CWC27: variants seen among roughly 807,000 people sequenced by gnomAD.
The protein encoded by CWC27 is CWC27 spliceosome associated cyclophilin.
A neutral mutation model predicts 63.6 loss-of-function variants in CWC27; 47 were observed. The observed-to-expected ratio is 0.74, with a 90% CI of 0.58 to 0.94. The LOEUF (loss-of-function observed/expected upper bound fraction) is 0.94, where lower values mean the gene tolerates loss of function less well. Among genes scored for constraint, CWC27 ranks in the 40% least tolerant of loss-of-function variants. The pLI is 0.00. For missense variants in CWC27, 495 were observed against 554.3 expected (o/e 0.89, Z 1.07); for synonymous variants, 175 against 179.8 (o/e 0.97, Z 0.22).
At position 64,885,582 on chromosome 5, in the gene CWC27, T is replaced by C. The variant is rs562288385; in HGVS notation, c.1042+36T>C. 147 of 1,447,198 alleles carry C rather than the reference T, an allele frequency of 1.0e-4. No homozygotes were observed. The Admixed American group carries it at 2.8e-3, about 28-fold the overall frequency. The allele number at this position is 1,447,198 out of a possible 1,614,324, so 89.6% of individuals were successfully genotyped here. ...TTATCACGCTTATTTTTTCACTTGA[T>C]ACTCCTCCTTCTCTGTTTTCTTAGC... is the stretch of plus-strand genomic sequence containing the variant. On this transcript the variant is annotated intron_variant, in intron 11 of 13. Transcript: ENST00000381070.
chr5:64,789,549 C>T lies in CWC27; in HGVS notation c.669+529C>T, dbSNP rs552715026. Among the ~76,000 whole-genome samples, 44 of 152,152 alleles carry T rather than the reference C, an allele frequency of 2.9e-4. 1 individual carries two copies. Among genetic ancestry groups the T allele is most frequent in the Non-Finnish European group, 5.7e-4 (39 of 67,958 alleles). ...TAAGTAGCTACAGATGGGAACTGAACGCAGGTCTTTGTAACTATTAAATCC... is the reference window on the plus strand; with the variant it reads ...TAAGTAGCTACAGATGGGAACTGAATGCAGGTCTTTGTAACTATTAAATCC... On this transcript the variant is annotated intron_variant, in intron 7 of 13. Transcript: ENST00000381070.
In CWC27 at chr5:64,769,022, T is replaced by A; in HGVS notation, c.-125T>A. 1 of 789,664 alleles carries A rather than the reference T, an allele frequency of 1.3e-6. No individual in the cohort carries two copies. Among genetic ancestry groups the A allele is most frequent in the South Asian group, 1.5e-5 (1 of 67,018 alleles). The allele number at this position is 789,664 out of a possible 1,614,324, so 48.9% of individuals were successfully genotyped here. The stretch of plus-strand genomic sequence containing the variant: ...TTGGTGTCCCTGTCTTGCGTGATAT[T>A]GACAAACTGAAGCTTTCCTGCACCA... On this transcript the variant is annotated 5_prime_UTR_variant, in exon 1 of 14. Coordinates refer to ENST00000381070, the MANE Select transcript of CWC27 (RefSeq NM_005869.4).
intron 11 of CWC27, among the ~76,000 whole-genome samples, chr5:64,889,544 A>G (rs564803361): frequency 6.6e-6 from 1 of 152,376 alleles, no homozygotes; most frequent in African/African-American, 2.4e-5. Context: ...TCTATATGAT[A>G]TAAGGAAAGT....
chr5:64,922,367 G>C (rs1319841516), intron 11 of CWC27, among the ~76,000 whole-genome samples: 2 of 152,028 alleles, frequency 1.3e-5, no homozygotes, highest in African/African-American at 4.8e-5. Context: ...TGCCTGTGTG[G>C]CTTCAAAGGA....
intron 10 of CWC27, among the ~76,000 whole-genome samples, chr5:64,864,442 T>G (rs780018443): frequency 5.9e-5 from 9 of 152,128 alleles, no homozygotes. Flanking sequence ...CAAACTACCT[T>G]GGGATTCTTT....
At chr5:64,935,686 C>T (rs1748331415) in intron 11 of CWC27, among the ~76,000 whole-genome samples, 1 of 152,166 alleles carries the variant, frequency 6.6e-6, no homozygotes, top group Non-Finnish European at 1.5e-5. Context: ...CTATAAATTA[C>T]TTTGGGCAGT....
intron 10 of CWC27, among the ~76,000 whole-genome samples, chr5:64,811,169 C>G (rs1328434339): frequency 6.6e-6 from 1 of 152,016 alleles, no homozygotes; most frequent in African/African-American, 2.4e-5. Context: ...TAGTTTGCAG[C>G]TTGTTTTGGA....
chr5:64,790,911 A>C (rs1358367384), intron 7 of CWC27, among the ~76,000 whole-genome samples: 1 of 152,168 alleles, frequency 6.6e-6, no homozygotes, highest in African/African-American at 2.4e-5. Flanking sequence ...TGATCATGCA[A>C]TTAAGAGGTG....
At chr5:64,803,918 T>C (rs1018108752) in intron 9 of CWC27, among the ~76,000 whole-genome samples, 4 of 151,922 alleles carry the variant, frequency 2.6e-5, no homozygotes, top group Non-Finnish European at 5.9e-5. Flanking sequence ...GAGATAAGAA[T>C]AGGAATATAG....
intron 10 of CWC27, among the ~76,000 whole-genome samples, chr5:64,843,184 C>T (rs1580665969): frequency 1.3e-5 from 2 of 152,272 alleles, no homozygotes; most frequent in East Asian, 1.9e-4. Context: ...TTTTGCCAGA[C>T]ATTAGCTTTA....
chr5:64,807,917 A>AAT, intron 10 of CWC27: 1 of 1,436,854 alleles, frequency 7.0e-7, no homozygotes, highest in Non-Finnish European at 9.1e-7. Context: ...TTTATTTCTA[A>AAT]ATACATATCA....
At chr5:64,807,619 A>G in intron 10 of CWC27, 1 of 1,535,198 alleles carries the variant, frequency 6.5e-7, no homozygotes, top group Non-Finnish European at 8.7e-7. Flanking sequence ...CTATGCCTGT[A>G]TCTTGACTAC....
Position 64,802,576 on chromosome 5 carries a change from T to C in CWC27, c.780+1244T>C, listed in dbSNP as rs552056392. Among the ~76,000 whole-genome samples the C allele has an allele frequency of 2.0e-5, 3 of 152,216 alleles. No individual in the cohort carries two copies. In the South Asian group the frequency reaches 6.2e-4, roughly 32 times the overall value. On this transcript the variant is annotated intron_variant, in intron 9 of 13. Transcript: ENST00000381070. The stretch of plus-strand genomic sequence containing the variant: ...AAGCTATTGTAGGAGGAGAGCTTGA[T>C]ATAAGACCACAGCTGTGAGATGGGA...
intron 11 of CWC27, among the ~76,000 whole-genome samples, chr5:64,916,123 T>C (rs549116399): frequency 6.6e-6 from 1 of 152,358 alleles, no homozygotes; most frequent in African/African-American, 2.4e-5. Flanking sequence ...ATATGCCCAC[T>C]AAAGATTTTC....
At chr5:64,936,745 G>A (rs1254917225) in intron 11 of CWC27, among the ~76,000 whole-genome samples, 1 of 151,940 alleles carries the variant, frequency 6.6e-6, no homozygotes, top group African/African-American at 2.4e-5. Flanking sequence ...TTTTTTGGTT[G>A]GTACGCTATT....
intron 10 of CWC27, among the ~76,000 whole-genome samples, 170 bp from the exon 11 acceptor site, chr5:64,885,273 T>C (rs1027157408): frequency 1.3e-5 from 2 of 152,126 alleles, no homozygotes; most frequent in South Asian, 2.1e-4. Flanking sequence ...ACTCTTAAAA[T>C]CCTTTAAGTG....
At chr5:64,954,894 G>A (rs184850033) in intron 11 of CWC27, among the ~76,000 whole-genome samples, 1 of 151,888 alleles carries the variant, frequency 6.6e-6, no homozygotes, top group African/African-American at 2.4e-5. Flanking sequence ...CAGAATTATA[G>A]GTAAGCCCCA....
chr5:64,986,049 T>C (rs1193147354), intron 13 of CWC27, among the ~76,000 whole-genome samples: 1 of 152,122 alleles, frequency 6.6e-6, no homozygotes, highest in Non-Finnish European at 1.5e-5. Context: ...TCTGATGGTT[T>C]TATAAGTGGC....
At chr5:64,909,233 G>A (rs930756947) in intron 11 of CWC27, among the ~76,000 whole-genome samples, 19 of 152,050 alleles carry the variant, frequency 1.2e-4, no homozygotes, top group South Asian at 4.1e-4. Flanking sequence ...GGCTTGTAGC[G>A]TTTCTGCTGA....
Sources: allele counts gnomAD v4.1 joint callset (sites outside exome capture counted in the v4.1 genomes callset), GRCh38; gene constraint gnomAD v4.1.1; transcripts MANE v1.5; gene names NCBI Gene and HGNC (gene_info 2026-07-23, HGNC 2026-07-21).